The following EXOSC10 variants were observed in gnomAD, a reference collection of about 807,000 sequenced individuals.
The protein encoded by EXOSC10 is exosome component 10, also known as exosome complex component 10.
In EXOSC10, 94 loss-of-function variants were observed where a neutral mutation model predicts 126.6. The observed-to-expected ratio is 0.74, with a 90% CI of 0.63 to 0.88. The LOEUF is 0.88. Among genes scored for constraint, EXOSC10 ranks in the 40% least tolerant of loss-of-function variants. The pLI is 0.00. For missense variants in EXOSC10, 1,041 were observed against 1,100.5 expected, an observed-to-expected ratio of 0.95 and a Z score of 0.77; for synonymous variants, 395 against 400.8, an observed-to-expected ratio of 0.99 and a Z score of 0.17.
intron 14 of EXOSC10, among the ~76,000 whole-genome samples, chr1:11,077,908 C>CT (rs1210557836): frequency 3.3e-5 from 5 of 152,198 alleles, no homozygotes; most frequent in Non-Finnish European, 7.3e-5. Flanking sequence ...GAAAAAGACT[C>CT]TTCTCTAGTA....
Position 11,098,022 on chromosome 1 carries a change from C to G in EXOSC10, c.246G>C (p.Gln82His), listed in dbSNP as rs1336718513. The change falls in exon 2 of 25, where the codon CAG becomes CAC. Residue 82 changes from glutamine to histidine, a missense_variant and splice_region_variant. Transcript: ENST00000376936. ...AGAAAACAAAGTACAGTACTTACCA[C>G]TGAAGCAACCTGTCTCCCTGTGTTT... ...FCETQGDRLL[Q>H]CMSRVMQYHG... 1.9e-6 allele frequency: 3 copies of G among 1,606,848 alleles called. No individual in the cohort carries two copies. Among genetic ancestry groups the G allele is most frequent in the African/African-American group, 2.7e-5 (2 of 74,448 alleles).
chr1:11,091,262 A>G (rs150674918), intron 4 of EXOSC10, 83 bp from the exon 5 acceptor site: 1 of 1,329,430 alleles, frequency 7.5e-7, no homozygotes, highest in African/African-American at 1.5e-5. Context: ...ACTTCTGAGG[A>G]GACAAGAACA....
chr1:11,068,961 G>A (rs977557494), intron 22 of EXOSC10: 4 of 545,480 alleles, frequency 7.3e-6, no homozygotes, highest in African/African-American at 1.9e-5. Context: ...GGCTACAGCA[G>A]TGGCCCCCGC....
intron 24 of EXOSC10, 123 bp downstream of exon 24, chr1:11,067,885 C>T (rs1367397789): frequency 6.0e-5 from 47 of 778,602 alleles, no homozygotes; most frequent in Non-Finnish European, 9.1e-5. Flanking sequence ...GGGAGGTTCT[C>T]TGAGTCATCC....
intron 17 of EXOSC10, among the ~76,000 whole-genome samples, chr1:11,074,757 TC>T (rs1352558884): frequency 6.6e-6 from 1 of 152,166 alleles, no homozygotes; most frequent in Non-Finnish European, 1.5e-5. Flanking sequence ...GGCTAATTTT[TC>T]ATACACTCTC....
At chr1:11,094,791 G>A (rs903667024) in intron 3 of EXOSC10, among the ~76,000 whole-genome samples, 1 of 151,902 alleles carries the variant, frequency 6.6e-6, no homozygotes, top group African/African-American at 2.4e-5. Context: ...AGTAGAGACG[G>A]GGTTTCACCA....
Position 11,072,146 on chromosome 1 carries a change from T to G in EXOSC10, c.2183A>C (p.Gln728Pro), listed in dbSNP as rs1171695597. The stretch of plus-strand genomic sequence containing the variant: ...TTTAGAGTCTTTTTGTACTTGTACC[T>G]GGGCCAGCTTCCAGCGGTTGCTGAT... ...YEISNRWKLA[Q>P]VQVQKDSKEA... The change falls in exon 20 of 25, where the codon CAG becomes CCG. Residue 728 changes from glutamine to proline, a missense_variant. Transcript: ENST00000376936. 1 of 1,613,600 alleles carries G rather than the reference T, an allele frequency of 6.2e-7. No homozygotes were observed. The highest frequency in any genetic ancestry group is 1.7e-5 in the Admixed American group (1 of 59,862).
intron 11 of EXOSC10, 74 bp downstream of exon 11, chr1:11,081,008 A>AAACCTAAGAACTAG: frequency 6.3e-7 from 1 of 1,589,080 alleles, no homozygotes. Context: ...TGTAAGGAGC[A>AAACCTAAGAACTAG]AACCTAAGAA....
At chr1:11,079,020 G>A (rs1024549664) in intron 14 of EXOSC10, among the ~76,000 whole-genome samples, 2 of 152,124 alleles carry the variant, frequency 1.3e-5, no homozygotes, top group African/African-American at 4.8e-5. Context: ...CAAGGAATAA[G>A]ACACTAGCAG....
chr1:11,071,333 C>T, intron 20 of EXOSC10: 1 of 273,726 alleles, frequency 3.7e-6, no homozygotes, highest in Non-Finnish European at 6.9e-6. Flanking sequence ...TCCAGCTTTC[C>T]AGCTGCTCAG....
At position 11,079,812 on chromosome 1, in the gene EXOSC10, C is replaced by A. The variant is rs758178710; in HGVS notation, c.1648G>T (p.Gly550Cys). Residue 550 changes from glycine to cysteine, a missense_variant, in exon 14 of 25, where the codon GGC (glycine) becomes TGC (cysteine). This residue lies in a region of EXOSC10 where 388 missense variants were observed against 415.2 expected (regional missense o/e 0.93). Transcript: ENST00000376936. ...ACTGGGTTGCAGCAAGCTATGATGC[C>A]CTGAGGTTCCCTGAAGACAAGTAAG... ...IAEELPKEPQ[G>C]IIACCNPVPP... is the part of the protein sequence containing the mutation. 3.1e-6 allele frequency: 5 copies of A among 1,611,308 alleles called. No homozygotes were observed. In the South Asian group the frequency reaches 5.5e-5, roughly 18 times the overall value.
Position 11,082,794 on chromosome 1 carries a change from C to A in EXOSC10, c.1174G>T (p.Ala392Ser). 3.1e-6 allele frequency: 5 copies of A among 1,614,140 alleles called. No homozygotes were observed. The highest frequency in any genetic ancestry group is 4.2e-6 in the Non-Finnish European group (5 of 1,180,026). The change falls in exon 10 of 25, where the codon GCA (alanine) becomes TCA (serine). Residue 392 changes from alanine to serine, a missense_variant. Physicochemically the swap from Ala to Ser is moderately conservative, Grantham distance 99 (BLOSUM62 1). Coordinates refer to ENST00000376936, the MANE Select transcript of EXOSC10 (RefSeq NM_001001998.3). ...CTGCCCAGGTTAAGAAGGCGTGCTGCCTGATGAGTATCAAACATGTTTACT... is the reference window on the plus strand; with the variant it reads ...CTGCCCAGGTTAAGAAGGCGTGCTGACTGATGAGTATCAAACATGTTTACT... ...YVVNMFDTHQ[A>S]ARLLNLGRHS...
chr1:11,075,696 C>A (rs1639769925), intron 17 of EXOSC10, among the ~76,000 whole-genome samples: 1 of 151,798 alleles, frequency 6.6e-6, no homozygotes, highest in Non-Finnish European at 1.5e-5. Context: ...ACAAAACATA[C>A]AAAAATTGGC....
chr1:11,097,722 T>C (rs531262013), intron 2 of EXOSC10, among the ~76,000 whole-genome samples: 1 of 150,026 alleles, frequency 6.7e-6, no homozygotes, highest in South Asian at 2.1e-4. Context: ...CGAGACTCCG[T>C]CTCAAAAAAA....
chr1:11,084,338 T>C (rs899610769), intron 9 of EXOSC10, among the ~76,000 whole-genome samples: 8 of 152,244 alleles, frequency 5.3e-5, no homozygotes, highest in Admixed American at 5.2e-4. Context: ...TGTGAGATGA[T>C]ATCTCACTGT....
At position 11,068,671 on chromosome 1, in the gene EXOSC10, G is replaced by C. The variant is rs1639257098; in HGVS notation, c.2524C>G (p.Pro842Ala). The part of the protein sequence containing the change: ...SKSKVSSQFD[P>A]NKQTPSGKKC... ...TTGCCAGACGGGGTCTGTTTATTTGGATCAAACTGAGAAGAAACTTTGGAT... is the reference window on the plus strand; with the variant it reads ...TTGCCAGACGGGGTCTGTTTATTTGCATCAAACTGAGAAGAAACTTTGGAT... Residue 842 changes from proline to alanine, a missense_variant, in exon 23 of 25, where the codon CCA becomes GCA. Around this residue, in one of 3 missense-constraint regions of EXOSC10, gnomAD observed 388 missense variants for 415.2 expected, o/e 0.93. Transcript: ENST00000376936. 2 of 1,614,178 alleles carry C rather than the reference G, an allele frequency of 1.2e-6. No homozygotes were observed. The highest frequency in any genetic ancestry group is 1.7e-6 in the Non-Finnish European group (2 of 1,180,008).
chr1:11,074,206 C>T, intron 18 of EXOSC10, 25 bp downstream of exon 18: 2 of 1,575,518 alleles, frequency 1.3e-6, no homozygotes, highest in Non-Finnish European at 1.7e-6. Context: ...CATATCCTGT[C>T]AGCCCTGACA....
chr1:11,077,025 G>A, intron 16 of EXOSC10, 77 bp from the exon 17 acceptor site: 1 of 1,107,206 alleles, frequency 9.0e-7, no homozygotes, highest in Non-Finnish European at 1.4e-6. Flanking sequence ...GAGTTTTAGT[G>A]TAGTCCCCTA....
chr1:11,088,164 A>C lies in EXOSC10; in HGVS notation c.793T>G (p.Phe265Val). ...AHPYQYELNHFTPADAVLQKP... is the reference protein window; with the variant it reads ...AHPYQYELNHVTPADAVLQKP... Reference sequence around the variant, plus strand: ...TGAAGCACTGCATCTGCTGGGGTAAAGTGATTTAGTTCATATTGATAAGGA... The same window carrying C: ...TGAAGCACTGCATCTGCTGGGGTAACGTGATTTAGTTCATATTGATAAGGA... Residue 265 changes from phenylalanine (F) to valine (V), a missense_variant, in exon 7 of 25, where the codon TTT (phenylalanine) becomes GTT (valine). Phe to Val is a conservative substitution (Grantham distance 50). Transcript: ENST00000376936. 1 of 1,613,640 alleles carries C rather than the reference A, an allele frequency of 6.2e-7. No homozygotes were observed. Among genetic ancestry groups the C allele is most frequent in the Non-Finnish European group, 8.5e-7 (1 of 1,179,902 alleles).
Sources: gnomAD v4.1 joint callset for allele counts (sites outside exome capture counted in the v4.1 genomes callset) on GRCh38, gnomAD v4.1.1 for gene constraint, gnomAD v4.1.1 regional missense constraint, MANE v1.5 for transcripts, NCBI Gene and HGNC (gene_info 2026-07-23, HGNC 2026-07-21) for gene names.